Variants in PLEKHM2 observed in about 807,000 individuals in gnomAD.
The protein encoded by PLEKHM2 is pleckstrin homology and RUN domain containing M2.
Under a neutral mutation model 116.3 loss-of-function variants are expected in PLEKHM2, and 77 were observed. The observed-to-expected ratio is 0.66, with a 90% CI of 0.55 to 0.80. The LOEUF is 0.80. Among genes scored for constraint, PLEKHM2 ranks in the 30% least tolerant of loss-of-function variants. PLEKHM2 has a pLI of 0.00. For missense variants in PLEKHM2, 1,183 were observed against 1,354.9 expected, an observed-to-expected ratio of 0.87 and a Z score of 1.99; for synonymous variants, 562 against 571.0, an observed-to-expected ratio of 0.98 and a Z score of 0.22.
At chr1:15,685,117 T>G (rs549737084) in intron 1 of PLEKHM2, among the ~76,000 whole-genome samples, 221 of 152,362 alleles carry the variant, frequency 1.5e-3, no homozygotes, top group African/African-American at 5.1e-3. Context: ...TGAATAATCT[T>G]GCTCAAGGAT....
intron 1 of PLEKHM2, among the ~76,000 whole-genome samples, chr1:15,696,460 C>T (rs1182685967): frequency 6.6e-6 from 1 of 152,204 alleles, no homozygotes; most frequent in Non-Finnish European, 1.5e-5. Context: ...AAGCAATTCT[C>T]CTGTCTCAGC....
rs1557654653 is a variant in PLEKHM2, at chr1:15,719,460, AAT to A, written c.466-272_466-271del. 1.4e-5 allele frequency among the ~76,000 whole-genome samples: 2 copies of A among 147,260 alleles called. No individual in the cohort carries two copies. Among genetic ancestry groups the A allele is most frequent in the African/African-American group, 5.2e-5 (2 of 38,184 alleles). ...AGTGAGACTCTGTCTCAAAAAAAAA[AAT>A]AAATAAATAGAGAGAGAGAGAGATA... On this transcript the variant is annotated intron_variant, in intron 5 of 19. Coordinates refer to ENST00000375799, the MANE Select transcript of PLEKHM2 (RefSeq NM_015164.4). This position sits in a 1 kb window ranked among gnomAD's most constrained non-coding sequence, Gnocchi z 4.1.
Position 15,719,990 on chromosome 1 carries a change from G to C in PLEKHM2, c.652+70G>C. The C allele has an allele frequency of 7.8e-7, 1 of 1,288,730 alleles. No homozygotes were observed. Among genetic ancestry groups the C allele is most frequent in the Non-Finnish European group, 1.1e-6 (1 of 935,248 alleles). The allele number at this position is 1,288,730 out of a possible 1,614,324, so 79.8% of individuals were successfully genotyped here. Reference sequence around the variant, plus strand: ...AGACTTGAACTGCTTAAGCCTGGCTGGGTGATGTCTTCCTTGGCTAGTTTT... The same window carrying C: ...AGACTTGAACTGCTTAAGCCTGGCTCGGTGATGTCTTCCTTGGCTAGTTTT... On this transcript the variant is annotated intron_variant, in intron 6 of 19. Coordinates refer to ENST00000375799, the MANE Select transcript of PLEKHM2 (RefSeq NM_015164.4). The surrounding 1 kb of genome is among the most constrained non-coding windows in gnomAD (Gnocchi z 4.1).
rs1336478957 is a variant in PLEKHM2 at position 15,728,565 on chromosome 1, C to G, written c.1922-104C>G. Reference sequence around the variant, plus strand: ...TCCACGCCATTCTCCTACTGCAGGGCAAGGAGAGGCCCTCTAAGAGAGGGG... The same window carrying G: ...TCCACGCCATTCTCCTACTGCAGGGGAAGGAGAGGCCCTCTAAGAGAGGGG... On this transcript the variant is annotated intron_variant, in intron 11 of 19. Transcript: ENST00000375799. This position sits in a 1 kb window ranked among gnomAD's most constrained non-coding sequence, Gnocchi z 5.9. 8.9e-7 allele frequency: 1 copy of G among 1,117,518 alleles called. No homozygotes were observed. The highest frequency in any genetic ancestry group is 1.3e-6 in the Non-Finnish European group (1 of 756,204). The allele number at this position is 1,117,518 out of a possible 1,614,324, so 69.2% of individuals were successfully genotyped here.
upstream of PLEKHM2, among the ~76,000 whole-genome samples, chr1:15,682,637 ACAAAAC>A (rs1640671022): frequency 2.0e-4 from 18 of 89,562 alleles, no homozygotes; most frequent in African/African-American, 9.0e-4. Flanking sequence ...ACAAAACAAA[ACAAAAC>A]AAAAAAAACA....
chr1:15,725,649 G>A lies in PLEKHM2; in HGVS notation c.941+104G>A. On this transcript the variant is annotated intron_variant, in intron 8 of 19. Coordinates refer to ENST00000375799, the MANE Select transcript of PLEKHM2 (RefSeq NM_015164.4). ...GGGCAGACCGGGACACCCCCTGAGG[G>A]CAGTTGCATGCCTTCCTGGAAACCC... 3 of 765,186 alleles carry A rather than the reference G, an allele frequency of 3.9e-6. No homozygotes were observed. In the South Asian group the frequency reaches 5.2e-5, roughly 13 times the overall value. 47.4% of individuals were successfully genotyped at this position (765,186 alleles called of 1,614,324 possible).
Position 15,732,084 on chromosome 1 carries a change from G to A in PLEKHM2, c.2625+36G>A, listed in dbSNP as rs578101152. The A allele has an allele frequency of 1.9e-6, 3 of 1,592,936 alleles. No individual in the cohort carries two copies. In the African/African-American group the frequency reaches 4.0e-5, roughly 21 times the overall value. On this transcript the variant is annotated intron_variant, in intron 17 of 19. Transcript: ENST00000375799. Reference sequence around the variant, plus strand: ...CCTGCCCCTACCGCTCACCTGGCTTGCCTGACCCACCCAGACCCCCAGGGT... The same window carrying A: ...CCTGCCCCTACCGCTCACCTGGCTTACCTGACCCACCCAGACCCCCAGGGT...
At chr1:15,732,199 G>C (rs1557663924) in intron 17 of PLEKHM2, 151 bp downstream of exon 17, 3 of 926,890 alleles carry the variant, frequency 3.2e-6, no homozygotes, top group Non-Finnish European at 4.8e-6. Context: ...GAGCTCAGAG[G>C]CATCACCCCC....
rs1269980051 is a variant in PLEKHM2, at chr1:15,719,823, G to C, written c.555G>C (p.Ser185=). ...LLDFEDRLPS[S]VHGSDSLSLN... is the part of the protein sequence containing the mutation. ...ACTTTGAAGACCGCCTTCCCAGCTC[G>C]GTCCACGGCTCAGACAGTCTGTCCC... Residue 185 remains serine, a synonymous_variant, in exon 6 of 20, where the codon TCG becomes TCC. Transcript: ENST00000375799. This position sits in a 1 kb window ranked among gnomAD's most constrained non-coding sequence, Gnocchi z 4.1. 1 of 1,613,628 alleles carries C rather than the reference G, an allele frequency of 6.2e-7. No individual in the cohort carries two copies. Among genetic ancestry groups the C allele is most frequent in the Non-Finnish European group, 8.5e-7 (1 of 1,179,792 alleles).
At position 15,729,202 on chromosome 1, in the gene PLEKHM2, C is replaced by T; in HGVS notation, c.2075+12C>T. Reference sequence around the variant, plus strand: ...GTGGCGCTGGCTGAGTGAGTGGCAACCCCGCCCCTCTGGAAGGATTGGAGA... The same window carrying T: ...GTGGCGCTGGCTGAGTGAGTGGCAATCCCGCCCCTCTGGAAGGATTGGAGA... On this transcript the variant is annotated intron_variant, in intron 13 of 19. Coordinates refer to ENST00000375799, the MANE Select transcript of PLEKHM2 (RefSeq NM_015164.4). The surrounding 1 kb of genome is among the most constrained non-coding windows in gnomAD (Gnocchi z 4.7). The T allele has an allele frequency of 6.3e-7, 1 of 1,598,666 alleles. No homozygotes were observed. The highest frequency in any genetic ancestry group is 8.5e-7 in the Non-Finnish European group (1 of 1,172,066).
At chr1:15,720,465 AG>A in intron 6 of PLEKHM2, 1 of 985,316 alleles carries the variant, frequency 1.0e-6, no homozygotes, top group Non-Finnish European at 1.2e-6. Flanking sequence ...CCTTTGCATC[AG>A]GGACCGAGGA....
intron 16 of PLEKHM2, among the ~76,000 whole-genome samples, 159 bp downstream of exon 16, chr1:15,731,416 C>T (rs1265395196): frequency 6.6e-6 from 1 of 152,106 alleles, no homozygotes; most frequent in Admixed American, 6.5e-5. Context: ...CTGAGGGCTG[C>T]AAGGAGCCCA....
chr1:15,727,855 A>T lies in PLEKHM2; in HGVS notation c.1760+23A>T. On this transcript the variant is annotated intron_variant, in intron 9 of 19. Coordinates refer to ENST00000375799, the MANE Select transcript of PLEKHM2 (RefSeq NM_015164.4). The surrounding 1 kb of genome is among the most constrained non-coding windows in gnomAD (Gnocchi z 7.5). Reference sequence around the variant, plus strand: ...CAGGTAACAAGACTCTGCAGCTGGCATGGGACTCTCCCAGCCCTTGAAGCT... The same window carrying T: ...CAGGTAACAAGACTCTGCAGCTGGCTTGGGACTCTCCCAGCCCTTGAAGCT... 1 of 1,506,938 alleles carries T rather than the reference A, an allele frequency of 6.6e-7. No individual in the cohort carries two copies. The highest frequency in any genetic ancestry group is 1.3e-5 in the South Asian group (1 of 79,356). 93.3% of individuals were successfully genotyped at this position (1,506,938 alleles called of 1,614,324 possible). A position where few individuals can be genotyped will look rare whatever the true frequency, so the allele number is the denominator to read the frequency against.
upstream of PLEKHM2, among the ~76,000 whole-genome samples, chr1:15,682,624 C>A (rs77194816): frequency 1.8e-3 from 116 of 66,144 alleles, 2 homozygotes; most frequent in African/African-American, 4.7e-3. Flanking sequence ...GTCTCAAAAA[C>A]AAACAAAACA....
chr1:15,708,633 G>A (rs1420334230), intron 1 of PLEKHM2, among the ~76,000 whole-genome samples: 2 of 152,148 alleles, frequency 1.3e-5, no homozygotes, highest in African/African-American at 4.8e-5. Flanking sequence ...ATATTGCCCA[G>A]GCTGGTCTCA....
At chr1:15,698,601 G>A (rs1641050229) in intron 1 of PLEKHM2, among the ~76,000 whole-genome samples, 1 of 143,270 alleles carries the variant, frequency 7.0e-6, no homozygotes. Flanking sequence ...AGGCTGGAGT[G>A]CAATAGTGCA....
chr1:15,684,610 G>A lies in PLEKHM2; in HGVS notation c.52G>A (p.Val18Met). Residue 18 changes from valine to methionine, a missense_variant, in exon 1 of 20, where the codon GTG (valine) becomes ATG (methionine). Coordinates refer to ENST00000375799, the MANE Select transcript of PLEKHM2 (RefSeq NM_015164.4). Reference protein sequence around the residue: ...DRILENISLSVKKLQSYFAAC... With the variant: ...DRILENISLSMKKLQSYFAAC... ...GATCCTGGAGAACATCTCGCTGTCGGTGAAGAAGGTGAGCGCGGCCTCCCT... is the reference window on the plus strand; with the variant it reads ...GATCCTGGAGAACATCTCGCTGTCGATGAAGAAGGTGAGCGCGGCCTCCCT... 2 of 1,303,922 alleles carry A rather than the reference G, an allele frequency of 1.5e-6. No individual in the cohort carries two copies. Among genetic ancestry groups the A allele is most frequent in the Non-Finnish European group, 9.9e-7 (1 of 1,014,020 alleles). 80.8% of individuals were successfully genotyped at this position (1,303,922 alleles called of 1,614,324 possible).
In PLEKHM2 at chr1:15,730,584, C is replaced by G; in HGVS notation, c.2261C>G (p.Thr754Arg). The G allele has an allele frequency of 3.1e-6, 5 of 1,605,478 alleles. No individual in the cohort carries two copies. Among genetic ancestry groups the G allele is most frequent in the Non-Finnish European group, 4.2e-6 (5 of 1,176,726 alleles). Residue 754 changes from threonine (T) to arginine (R), a missense_variant, in exon 15 of 20, where the codon ACA (threonine) becomes AGA (arginine). By Grantham distance (71) the Thr-to-Arg change is moderately conservative. Coordinates refer to ENST00000375799, the MANE Select transcript of PLEKHM2 (RefSeq NM_015164.4). Reference protein sequence around the residue: ...FYGLVHWEDPTDESLGPTPCH... With the variant: ...FYGLVHWEDPRDESLGPTPCH... ...GGCCTTGTGCACTGGGAGGACCCCA[C>G]AGACGAGTCCCTGGGCCCCACGCCC...
chr1:15,727,131 C>A lies in PLEKHM2; in HGVS notation c.1059C>A (p.Ser353Arg). The A allele has an allele frequency of 6.3e-7, 1 of 1,590,162 alleles. No individual in the cohort carries two copies. The highest frequency in any genetic ancestry group is 8.6e-7 in the Non-Finnish European group (1 of 1,167,674). Residue 353 changes from serine to arginine, a missense_variant, in exon 9 of 20, where the codon AGC (serine) becomes AGA (arginine). Ser to Arg is a moderately radical substitution (Grantham distance 110). Coordinates refer to ENST00000375799, the MANE Select transcript of PLEKHM2 (RefSeq NM_015164.4). This position sits in a 1 kb window ranked among gnomAD's most constrained non-coding sequence, Gnocchi z 7.5. Reference protein sequence around the residue: ...KKCAKQGDGDSRNGSPSLGRD... With the variant: ...KKCAKQGDGDRRNGSPSLGRD... ...GTGCCAAGCAGGGGGACGGTGACAG[C>A]CGCAACGGCAGCCCAAGCCTTGGGC...
Sources: allele counts gnomAD v4.1 joint callset (sites outside exome capture counted in the v4.1 genomes callset), GRCh38; gene constraint gnomAD v4.1.1; non-coding constraint Gnocchi (gnomAD v3.1); transcripts MANE v1.5; gene names NCBI Gene and HGNC (gene_info 2026-07-23, HGNC 2026-07-21).